PIK3C3: variants seen among roughly 807,000 people sequenced by gnomAD.
PIK3C3 encodes phosphatidylinositol 3-kinase catalytic subunit type 3.
Under a neutral mutation model 126.1 loss-of-function variants are expected in PIK3C3, and 95 were observed. The ratio of observed to expected loss-of-function variants is 0.75; its 90% CI spans 0.64 to 0.89. PIK3C3 has a LOEUF of 0.89. Among genes scored for constraint, PIK3C3 ranks in the 40% least tolerant of loss-of-function variants. The pLI is 0.00. For missense variants in PIK3C3, 829 were observed against 1,063.2 expected (o/e 0.78, Z 3.06); for synonymous variants, 374 against 360.0 (o/e 1.04, Z -0.44).
intron 7 of PIK3C3, among the ~76,000 whole-genome samples, chr18:41,994,866 C>T (rs1043709078): frequency 1.3e-5 from 2 of 151,918 alleles, no homozygotes; most frequent in African/African-American, 4.8e-5. Flanking sequence ...AGGGAGACCC[C>T]ATCTCTACAA....
chr18:42,001,063 A>AAT lies in PIK3C3; in HGVS notation c.985-3284_985-3283dup, dbSNP rs765491790. 4.5e-4 allele frequency among the ~76,000 whole-genome samples: 69 copies of AAT among 152,170 alleles called. 1 individual carries two copies. Among genetic ancestry groups the AAT allele is most frequent in the Non-Finnish European group, 8.5e-4 (58 of 68,036 alleles). On this transcript the variant is annotated intron_variant, in intron 9 of 24. Coordinates refer to ENST00000262039, the MANE Select transcript of PIK3C3 (RefSeq NM_002647.4). ...TTAGTTGGTAGAAGTTTAAATTAGGAATATATATATGAGATATAGTATTTT... is the reference window on the plus strand; with the variant it reads ...TTAGTTGGTAGAAGTTTAAATTAGGAATATATATATATGAGATATAGTATTTT...
Position 42,020,652 on chromosome 18 carries a change from C to A in PIK3C3, c.1431C>A (p.Thr477=). The change falls in exon 13 of 25, where the codon ACC becomes ACA. Residue 477 remains threonine (T), a synonymous_variant. Coordinates refer to ENST00000262039, the MANE Select transcript of PIK3C3 (RefSeq NM_002647.4). ...DGENLEQDLC[T]FLISRACKNS... ...AATTCTTTCAGCAAGATCTCTGTACCTTCTTGATATCGAGAGCCTGCAAAA... is the reference window on the plus strand; with the variant it reads ...AATTCTTTCAGCAAGATCTCTGTACATTCTTGATATCGAGAGCCTGCAAAA... 1 of 1,600,556 alleles carries A rather than the reference C, an allele frequency of 6.2e-7. No individual in the cohort carries two copies. Among genetic ancestry groups the A allele is most frequent in the Non-Finnish European group, 8.6e-7 (1 of 1,169,464 alleles).
At chr18:42,032,623 A>ATTTT (rs937693976) in intron 15 of PIK3C3, among the ~76,000 whole-genome samples, 5 of 120,734 alleles carry the variant, frequency 4.1e-5, no homozygotes, top group Admixed American at 2.5e-4. Flanking sequence ...CTTTCTGGTT[A>ATTTT]TTTTATTTAT....
intron 10 of PIK3C3, among the ~76,000 whole-genome samples, chr18:42,010,201 G>A (rs1039151424): frequency 1.3e-5 from 2 of 152,086 alleles, no homozygotes; most frequent in African/African-American, 4.8e-5. Flanking sequence ...AGCATAGATC[G>A]CATCTCAAGA....
In PIK3C3 at chr18:41,981,557, G is replaced by A. The variant is rs1981199339; in HGVS notation, c.532-6255G>A. Among the ~76,000 whole-genome samples, 6 of 152,152 alleles carry A rather than the reference G, an allele frequency of 3.9e-5. No homozygotes were observed. The South Asian group carries it at 1.2e-3, about 32-fold the overall frequency. On this transcript the variant is annotated intron_variant, in intron 4 of 24. Coordinates refer to ENST00000262039, the MANE Select transcript of PIK3C3 (RefSeq NM_002647.4). ...ATGCTTGCCAAGAATTAAATACATA[G>A]GCATATGCAAAGTCTCTAAAACATG...
chr18:42,012,296 C>T (rs995594189), intron 10 of PIK3C3, among the ~76,000 whole-genome samples: 44 of 151,824 alleles, frequency 2.9e-4, no homozygotes, highest in African/African-American at 9.7e-4. Flanking sequence ...TCCTGGTTTA[C>T]AAAATAGTGG....
At chr18:42,062,201 CAG>C (rs1164205382) in intron 22 of PIK3C3, among the ~76,000 whole-genome samples, 3 of 151,670 alleles carry the variant, frequency 2.0e-5, no homozygotes, top group Non-Finnish European at 2.9e-5. Flanking sequence ...ATCAACAAAA[CAG>C]AGTACGAATG....
chr18:42,058,052 G>A lies in PIK3C3; in HGVS notation c.2432+1G>A, dbSNP rs1985151593. 6.4e-7 allele frequency: 1 copy of A among 1,572,940 alleles called. No individual in the cohort carries two copies. The highest frequency in any genetic ancestry group is 8.6e-7 in the Non-Finnish European group (1 of 1,162,578). On this transcript the variant is annotated splice_donor_variant, in intron 22 of 24. Transcript: ENST00000262039. LOFTEE classifies it high-confidence loss of function. The stretch of plus-strand genomic sequence containing the variant: ...ACACGGCTTTCCTCCACCTGCGAAG[G>A]TAAGTTGATTTGCTTGGCACAGAGA...
chr18:41,960,618 G>C lies in PIK3C3; in HGVS notation c.258-1871G>C, dbSNP rs149982066. Among the ~76,000 whole-genome samples the C allele has an allele frequency of 2.4e-3, 371 of 152,206 alleles. 1 individual carries two copies. Among genetic ancestry groups the C allele is most frequent in the African/African-American group, 8.4e-3 (348 of 41,544 alleles). ...TTAGCGGATGGGGTAGGGATGATTC[G>C]TGAAGAGGAGGAGAACGAAGTGGTG... On this transcript the variant is annotated intron_variant, in intron 2 of 24. Coordinates refer to ENST00000262039, the MANE Select transcript of PIK3C3 (RefSeq NM_002647.4).
rs144405297 is a variant in PIK3C3, at chr18:41,972,457, T to G, written c.531+2001T>G. ...GAATGGTTAGCAGTTTTCAGATAAG[T>G]TTTTATTGGTTTGTAAATCTTTAAA... On this transcript the variant is annotated intron_variant, in intron 4 of 24. Coordinates refer to ENST00000262039, the MANE Select transcript of PIK3C3 (RefSeq NM_002647.4). 2.2e-3 allele frequency among the ~76,000 whole-genome samples: 337 copies of G among 152,230 alleles called. 1 individual carries two copies. The highest frequency in any genetic ancestry group is 7.5e-3 in the African/African-American group (312 of 41,566).
intron 22 of PIK3C3, among the ~76,000 whole-genome samples, chr18:42,060,525 C>T (rs1985268469): frequency 6.6e-6 from 1 of 152,114 alleles, no homozygotes; most frequent in East Asian, 1.9e-4. Flanking sequence ...AATCCAAGCA[C>T]TCTGGGAGGC....
intron 4 of PIK3C3, among the ~76,000 whole-genome samples, chr18:41,986,392 A>C (rs533927297): frequency 2.0e-5 from 3 of 152,272 alleles, no homozygotes; most frequent in African/African-American, 7.2e-5. Context: ...TTTGGAGCAT[A>C]TTGCGAAGTG....
intron 2 of PIK3C3, 58 bp from the exon 3 acceptor site, chr18:41,962,431 T>A (rs1980136230): frequency 1.5e-6 from 2 of 1,324,076 alleles, no homozygotes; most frequent in East Asian, 5.7e-5. Context: ...GGTTTGTTAA[T>A]TTAAAAGAAA....
chr18:42,065,449 A>C (rs762556924), intron 23 of PIK3C3, among the ~76,000 whole-genome samples: 1 of 152,256 alleles, frequency 6.6e-6, no homozygotes, highest in Non-Finnish European at 1.5e-5. Context: ...CTGAAAGTAC[A>C]GTAGCTAAAA....
chr18:41,955,369 C>G lies in PIK3C3; in HGVS notation c.68+10C>G. On this transcript the variant is annotated intron_variant, in intron 1 of 24. Transcript: ENST00000262039. ...ACGTCCAGCTTAAGATGTAAGAGAA[C>G]ACTCGGGACAGGGAGTGGGATTGCT... 1.2e-6 allele frequency: 2 copies of G among 1,610,058 alleles called. No individual in the cohort carries two copies. Among genetic ancestry groups the G allele is most frequent in the Non-Finnish European group, 1.7e-6 (2 of 1,177,044 alleles).
chr18:42,006,244 A>T (rs1982535551), intron 10 of PIK3C3, among the ~76,000 whole-genome samples: 1 of 149,784 alleles, frequency 6.7e-6, no homozygotes, highest in Non-Finnish European at 1.5e-5. Flanking sequence ...TGAGGTCCTG[A>T]GCACAGGAGC....
In PIK3C3 at chr18:42,042,341, C is replaced by G. The variant is rs114740209; in HGVS notation, c.2104-1392C>G. Among the ~76,000 whole-genome samples the G allele has an allele frequency of 9.0e-3, 1,369 of 152,228 alleles. 18 individuals are homozygous for G. Among genetic ancestry groups the G allele is most frequent in the African/African-American group, 0.032 (1,315 of 41,506 alleles). ...TCCAGATTTTTTCTGTGTATGTTTT[C>G]CATGTTGATTCTACTGTGTATCCGT... On this transcript the variant is annotated intron_variant, in intron 19 of 24. Coordinates refer to ENST00000262039, the MANE Select transcript of PIK3C3 (RefSeq NM_002647.4).
At position 41,995,828 on chromosome 18, in the gene PIK3C3, A is replaced by G. The variant is rs988091898; in HGVS notation, c.787-62A>G. The G allele has an allele frequency of 1.7e-5, 19 of 1,143,334 alleles. No homozygotes were observed. In the Admixed American group the frequency reaches 2.1e-4, roughly 13 times the overall value. 70.8% of individuals were successfully genotyped at this position (1,143,334 alleles called of 1,614,324 possible). ...TCCTAAGTACCTTTTCTATTTATGA[A>G]TAGCTTTTGAAATTTCCTTTTGGTG... On this transcript the variant is annotated intron_variant, in intron 7 of 24. Transcript: ENST00000262039.
chr18:42,020,117 T>TA (rs1983255260), intron 12 of PIK3C3, among the ~76,000 whole-genome samples: 1 of 152,156 alleles, frequency 6.6e-6, no homozygotes, highest in Admixed American at 6.5e-5. Flanking sequence ...ACTCTCCTCT[T>TA]AAGATCCTTT....
Sources: allele counts gnomAD v4.1 joint callset (sites outside exome capture counted in the v4.1 genomes callset), GRCh38; gene constraint gnomAD v4.1.1; transcripts MANE v1.5; gene names NCBI Gene and HGNC (gene_info 2026-07-23, HGNC 2026-07-21).